NRG4: variants seen among roughly 807,000 people sequenced by gnomAD.
NRG4 encodes neuregulin 4.
Under a neutral mutation model 15.0 loss-of-function variants are expected in NRG4, and 10 were observed. That is an observed-to-expected ratio of 0.67 (90% CI 0.41 to 1.13). The LOEUF is 1.13. NRG4 is among the 50% of genes most tolerant of loss of function. The pLI is 0.00. For missense variants in NRG4, 139 were observed against 140.2 expected, an observed-to-expected ratio of 0.99 and a Z score of 0.04; for synonymous variants, 41 against 50.1, an observed-to-expected ratio of 0.82 and a Z score of 0.77.
intron 4 of NRG4, among the ~76,000 whole-genome samples, chr15:75,961,448 G>A (rs545427740): frequency 1.3e-5 from 2 of 152,166 alleles, no homozygotes; most frequent in African/African-American, 4.8e-5. Context: ...AGCTGACCCT[G>A]CATATTAACC....
At chr15:76,011,682 C>T (rs760801247) in intron 1 of NRG4, among the ~76,000 whole-genome samples, 2 of 152,030 alleles carry the variant, frequency 1.3e-5, no homozygotes, top group African/African-American at 2.4e-5. Flanking sequence ...TTTATAAAAG[C>T]ACTTTTAAGT....
chr15:76,001,366 C>A (rs2034410721), intron 3 of NRG4, among the ~76,000 whole-genome samples: 1 of 151,966 alleles, frequency 6.6e-6, no homozygotes, highest in African/African-American at 2.4e-5. Context: ...ATTTTCACTT[C>A]AATATATCCA....
intron 3 of NRG4, among the ~76,000 whole-genome samples, chr15:76,005,467 C>A (rs1417277768): frequency 6.6e-6 from 1 of 151,152 alleles, no homozygotes; most frequent in Non-Finnish European, 1.5e-5. Flanking sequence ...GGGTGGATCA[C>A]CTGAGGTCAG....
chr15:76,058,418 A>AT (rs1305290907), intron 1 of NRG4, among the ~76,000 whole-genome samples: 2 of 151,990 alleles, frequency 1.3e-5, no homozygotes, highest in African/African-American at 4.8e-5. Context: ...GAAATTTTAC[A>AT]TTTTTTTCTC....
chr15:75,940,929 G>GA (rs1196806879), downstream of NRG4: 1 of 152,076 alleles, frequency 6.6e-6, no homozygotes, highest in Admixed American at 6.5e-5. Context: ...GACAACGAAA[G>GA]AAAAAATAGG....
chr15:76,051,803 C>G (rs185190651), intron 4 of NRG4, among the ~76,000 whole-genome samples: 42 of 150,294 alleles, frequency 2.8e-4, no homozygotes, highest in Non-Finnish European at 5.8e-4. Context: ...GATCTCCTGA[C>G]CTTGTGATCC....
chr15:76,051,364 C>A (rs1377357519), intron 4 of NRG4, among the ~76,000 whole-genome samples: 1 of 149,908 alleles, frequency 6.7e-6, no homozygotes, highest in Non-Finnish European at 1.5e-5. Flanking sequence ...TGGTCTGGAA[C>A]ACCTATGCTC....
chr15:75,972,116 C>T (rs926403589), intron 3 of NRG4, among the ~76,000 whole-genome samples: 2 of 152,104 alleles, frequency 1.3e-5, no homozygotes. Flanking sequence ...TCTCTAATGA[C>T]CAGTGATGAT....
At chr15:75,963,812 T>C (rs1321143416) in intron 3 of NRG4, among the ~76,000 whole-genome samples, 3 of 149,154 alleles carry the variant, frequency 2.0e-5, no homozygotes, top group Non-Finnish European at 4.4e-5. Context: ...CCAAGCATGG[T>C]TGTACCCGTA....
At chr15:76,024,421 A>G (rs1190428843) in intron 5 of NRG4, among the ~76,000 whole-genome samples, 2 of 152,228 alleles carry the variant, frequency 1.3e-5, no homozygotes, top group African/African-American at 4.8e-5. Context: ...AGGACAGCTT[A>G]GAAGCCATGC....
intron 3 of NRG4, among the ~76,000 whole-genome samples, chr15:76,000,663 C>G (rs2034379569): frequency 6.6e-6 from 1 of 152,094 alleles, no homozygotes; most frequent in South Asian, 2.1e-4. Context: ...ACTTCCAGGA[C>G]TTTATTTTAC....
chr15:76,043,607 A>G (rs1052269207), intron 4 of NRG4, among the ~76,000 whole-genome samples: 1 of 152,352 alleles, frequency 6.6e-6, no homozygotes, highest in Admixed American at 6.5e-5. Flanking sequence ...GCTCTCTACA[A>G]TGAAAACTAT....
rs142812746 is a variant in NRG4, at chr15:75,941,960, A to AAAAAAAAAAC, written c.*1677_*1678insGTTTTTTTTT. The AAAAAAAAAAC allele has an allele frequency of 2.1e-5, 2 of 93,760 alleles. No individual in the cohort carries two copies. The highest frequency in any genetic ancestry group is 3.9e-5 in the African/African-American group (1 of 25,780). The allele number at this position is 93,760 out of a possible 1,614,324, so 5.8% of individuals were successfully genotyped here. A position where few individuals can be genotyped will look rare whatever the true frequency, so the allele number is the denominator to read the frequency against. On this transcript the variant is annotated 3_prime_UTR_variant, in exon 6 of 6. Transcript: ENST00000394907. The stretch of plus-strand genomic sequence containing the variant: ...ACCACCAAAAAAAAAAAAAAAAAAA[A>AAAAAAAAAAC]ATATGGCCTAGCTTTTTTTTTTTTT...
chr15:75,948,231 C>G (rs1417708934), intron 5 of NRG4, among the ~76,000 whole-genome samples: 1 of 152,136 alleles, frequency 6.6e-6, no homozygotes, highest in African/African-American at 2.4e-5. Flanking sequence ...TTGCCAAATC[C>G]AATTTCATGA....
At chr15:76,024,208 T>G (rs1392864504) in intron 5 of NRG4, among the ~76,000 whole-genome samples, 2 of 152,194 alleles carry the variant, frequency 1.3e-5, no homozygotes, top group Admixed American at 1.3e-4. Flanking sequence ...GCCCCCAGGC[T>G]GACTGAGTAG....
Position 75,974,497 on chromosome 15 carries a change from C to T in NRG4, c.105-12523G>A, listed in dbSNP as rs150083734. On this transcript the variant is annotated intron_variant, in intron 3 of 5. Transcript: ENST00000394907. ...CTTGCTTTCTCCTGTGTGCATTTAG[C>T]GCTATAAATTGCCCTCTAAACACTG... 2.3e-3 allele frequency among the ~76,000 whole-genome samples: 357 copies of T among 152,190 alleles called. 3 individuals carry two copies. Among genetic ancestry groups the T allele is most frequent in the South Asian group, 0.011 (51 of 4,810 alleles).
At chr15:76,053,261 T>G (rs1042023275) in intron 2 of NRG4, 5 of 150,956 alleles carry the variant, frequency 3.3e-5, no homozygotes, top group Admixed American at 2.0e-4. Flanking sequence ...GGCACCAGCG[T>G]TGAATTTAAA....
intron 3 of NRG4, among the ~76,000 whole-genome samples, chr15:75,999,612 C>T (rs1038706109): frequency 1.3e-5 from 2 of 152,204 alleles, no homozygotes; most frequent in Admixed American, 6.5e-5. Flanking sequence ...GCCTTCAGAA[C>T]TGTCAGAAAT....
intron 2 of NRG4, among the ~76,000 whole-genome samples, chr15:76,056,027 A>G (rs1289382815): frequency 6.6e-6 from 1 of 152,204 alleles, no homozygotes; most frequent in African/African-American, 2.4e-5. Context: ...AAACTTTACA[A>G]TTAATTTTTA....
Sources: gnomAD v4.1 joint callset for allele counts (sites outside exome capture counted in the v4.1 genomes callset) on GRCh38, gnomAD v4.1.1 for gene constraint, MANE v1.5 for transcripts, NCBI Gene and HGNC (gene_info 2026-07-23, HGNC 2026-07-21) for gene names.